The following HNRNPC variants were observed in gnomAD, a reference collection of about 807,000 sequenced individuals.
HNRNPC encodes the protein heterogeneous nuclear ribonucleoproteins C1/C2.
HNRNPC carries 3 observed loss-of-function variants against 33.2 expected under a neutral mutation model. The observed-to-expected ratio is 0.09, with a 90% confidence interval of 0.04 to 0.23. HNRNPC has a LOEUF of 0.23. Ranked by LOEUF, HNRNPC falls within the 10% of genes least tolerant of loss-of-function variation. The pLI is 1.00. For missense variants in HNRNPC, 143 were observed against 366.7 expected, an observed-to-expected ratio of 0.39 and a Z score of 4.98; for synonymous variants, 121 against 126.7, an observed-to-expected ratio of 0.96 and a Z score of 0.30.
chr14:21,255,073 A>G (rs968398297), intron 2 of HNRNPC, among the ~76,000 whole-genome samples: 3 of 152,208 alleles, frequency 2.0e-5, no homozygotes, highest in Admixed American at 1.3e-4. Context: ...TGAAGATTTT[A>G]TTTAAAGGAT....
intron 2 of HNRNPC, among the ~76,000 whole-genome samples, chr14:21,247,956 A>T (rs1311750493): frequency 6.6e-6 from 1 of 151,826 alleles, no homozygotes; most frequent in Admixed American, 6.6e-5. Flanking sequence ...ACGCCACTGC[A>T]CTCCAGCCTC....
chr14:21,263,595 T>C (rs1263760371), intron 1 of HNRNPC: 1 of 151,614 alleles, frequency 6.6e-6, no homozygotes, highest in Non-Finnish European at 1.5e-5. Context: ...GCAGAAAAAA[T>C]AGAAATAGAA....
intron 1 of HNRNPC, chr14:21,264,728 G>C (rs1878699076): frequency 6.6e-6 from 1 of 152,102 alleles, no homozygotes; most frequent in Admixed American, 6.6e-5. Flanking sequence ...GTAAATTTGA[G>C]GAAATTAAAA....
At chr14:21,260,636 T>G (rs1878075045) in intron 2 of HNRNPC, among the ~76,000 whole-genome samples, 1 of 151,830 alleles carries the variant, frequency 6.6e-6, no homozygotes, top group South Asian at 2.1e-4. Flanking sequence ...CTGGCCAACA[T>G]GGCATCTCTA....
intron 5 of HNRNPC, among the ~76,000 whole-genome samples, chr14:21,226,253 C>T (rs546487678): frequency 2.1e-4 from 18 of 86,992 alleles, no homozygotes; most frequent in African/African-American, 7.4e-4. Flanking sequence ...ACCTGGGAGG[C>T]GGAGGTTGCA....
At chr14:21,254,130 T>C (rs1876707498) in intron 2 of HNRNPC, among the ~76,000 whole-genome samples, 1 of 151,142 alleles carries the variant, frequency 6.6e-6, no homozygotes, top group Admixed American at 6.6e-5. Flanking sequence ...TACCCTTGAA[T>C]AATTATATTT....
intron 3 of HNRNPC, 98 bp from the exon 4 acceptor site, chr14:21,231,170 T>C: frequency 8.1e-7 from 1 of 1,229,676 alleles, no homozygotes. Flanking sequence ...AGTTTCGCTT[T>C]CTCGCTCAGG....
At chr14:21,251,326 T>C (rs993859152) in intron 2 of HNRNPC, among the ~76,000 whole-genome samples, 1 of 149,404 alleles carries the variant, frequency 6.7e-6, no homozygotes, top group Non-Finnish European at 1.5e-5. Flanking sequence ...TTCAATTTTA[T>C]CAGTGACCTC....
chr14:21,267,095 C>CAAAAAAAAAAAAAA (rs56203257), intron 1 of HNRNPC, among the ~76,000 whole-genome samples: 7 of 104,112 alleles, frequency 6.7e-5, no homozygotes, highest in Non-Finnish European at 1.2e-4. Flanking sequence ...GACTCCGTCT[C>CAAAAAAAAAAAAAA]AAAAAAAAAA....
At position 21,233,852 on chromosome 14, in the gene HNRNPC, A is replaced by C. The variant is rs1000287677; in HGVS notation, c.241+101T>G. On this transcript the variant is annotated intron_variant, in intron 3 of 8. Coordinates refer to ENST00000553300, the MANE Select transcript of HNRNPC (RefSeq NM_004500.4). ...TAGGCTAAACAGTCGCAATATCCAG[A>C]ATATCTCATGCTGTCAGTTTTACAG... is the stretch of plus-strand genomic sequence containing the variant. 6 of 1,410,596 alleles carry C rather than the reference A, an allele frequency of 4.3e-6. No homozygotes were observed. In the Admixed American group the frequency reaches 6.5e-5, roughly 15 times the overall value. The allele number at this position is 1,410,596 out of a possible 1,614,324, so 87.4% of individuals were successfully genotyped here.
At chr14:21,243,633 G>C (rs1257925254) in intron 2 of HNRNPC, among the ~76,000 whole-genome samples, 1 of 152,170 alleles carries the variant, frequency 6.6e-6, no homozygotes, top group Non-Finnish European at 1.5e-5. Flanking sequence ...AACTAAACCA[G>C]TACACGTTTT....
At chr14:21,244,125 T>C (rs1895676654) in intron 2 of HNRNPC, among the ~76,000 whole-genome samples, 2 of 151,810 alleles carry the variant, frequency 1.3e-5, no homozygotes, top group South Asian at 4.1e-4. Context: ...GCCTTCCGAG[T>C]AGCTGGGACT....
At chr14:21,261,137 A>G (rs929770480) in intron 2 of HNRNPC, among the ~76,000 whole-genome samples, 1 of 151,976 alleles carries the variant, frequency 6.6e-6, no homozygotes, top group Non-Finnish European at 1.5e-5. Context: ...CCCCCAGCTT[A>G]TTTTGGCATG....
chr14:21,228,370 C>A (rs1004086144), intron 5 of HNRNPC, among the ~76,000 whole-genome samples: 5 of 152,134 alleles, frequency 3.3e-5, no homozygotes, highest in African/African-American at 9.7e-5. Flanking sequence ...TTATTTTCAA[C>A]TGGAAGTTCT....
chr14:21,245,108 CAA>C (rs1181754069), intron 2 of HNRNPC, among the ~76,000 whole-genome samples: 1 of 129,256 alleles, frequency 7.7e-6, no homozygotes, highest in African/African-American at 2.9e-5. Context: ...AAAAAAAAAG[CAA>C]AAGAGAAAAC....
intron 2 of HNRNPC, among the ~76,000 whole-genome samples, chr14:21,244,805 C>A (rs1895776130): frequency 6.6e-6 from 1 of 152,156 alleles, no homozygotes; most frequent in Non-Finnish European, 1.5e-5. Flanking sequence ...GCATAGCATG[C>A]ACAGTACTGA....
At chr14:21,239,922 A>T (rs1426594822) in intron 2 of HNRNPC, among the ~76,000 whole-genome samples, 5 of 152,148 alleles carry the variant, frequency 3.3e-5, no homozygotes, top group Non-Finnish European at 1.5e-5. Context: ...TTAGCACTCA[A>T]ATTTCTATTA....
rs1373857497 is a variant in HNRNPC, at chr14:21,268,863, A to C, written c.-63+435T>G. On this transcript the variant is annotated intron_variant, in intron 1 of 8. Coordinates refer to ENST00000553300, the MANE Select transcript of HNRNPC (RefSeq NM_004500.4). Reference sequence around the variant, plus strand: ...GCCACGCGGCACGATCCAGGATTTAAAGGCTCGCGATACATCTACTTGGTA... The same window carrying C: ...GCCACGCGGCACGATCCAGGATTTACAGGCTCGCGATACATCTACTTGGTA... Among the ~76,000 whole-genome samples the C allele has an allele frequency of 4.6e-5, 7 of 152,132 alleles. No homozygotes were observed. The East Asian group carries it at 1.3e-3, about 29-fold the overall frequency.
intron 5 of HNRNPC, among the ~76,000 whole-genome samples, chr14:21,221,125 C>G (rs1286092594): frequency 1.3e-5 from 2 of 152,152 alleles, no homozygotes; most frequent in African/African-American, 4.8e-5. Flanking sequence ...AGCTATTGTG[C>G]CTGTGATGAA....
Sources: allele counts gnomAD v4.1 joint callset (sites outside exome capture counted in the v4.1 genomes callset), GRCh38; gene constraint gnomAD v4.1.1; transcripts MANE v1.5; gene names NCBI Gene and HGNC (gene_info 2026-07-23, HGNC 2026-07-21).